DPH6: variants seen among roughly 807,000 people sequenced by gnomAD.
DPH6 encodes diphthine--ammonia ligase.
A neutral mutation model predicts 38.2 loss-of-function variants in DPH6; 33 were observed. The observed-to-expected ratio is 0.86, with a 90% CI of 0.65 to 1.15. The LOEUF (loss-of-function observed/expected upper bound fraction) is 1.15, where lower values mean the gene tolerates loss of function less well. DPH6 is among the 50% of genes most tolerant of loss of function. DPH6 has a pLI of 0.00. For missense variants in DPH6, 325 were observed against 320.0 expected, an observed-to-expected ratio of 1.02 and a Z score of -0.12; for synonymous variants, 108 against 103.0, an observed-to-expected ratio of 1.05 and a Z score of -0.30.
chr15:35,256,128 A>C (rs2051706640), intron 3 of DPH6, among the ~76,000 whole-genome samples: 1 of 152,166 alleles, frequency 6.6e-6, no homozygotes, highest in African/African-American at 2.4e-5. Context: ...TTAACATCTT[A>C]TATTACCATG....
chr15:35,152,142 C>A, the DPH6 span, among the ~76,000 whole-genome samples: 1 of 152,154 alleles, frequency 6.6e-6, no homozygotes, highest in Non-Finnish European at 1.5e-5. Flanking sequence ...CAGAAATATG[C>A]CTAGGAACTT....
chr15:35,355,506 G>C (rs1352201058), intron 3 of DPH6, among the ~76,000 whole-genome samples: 2 of 152,122 alleles, frequency 1.3e-5, no homozygotes, highest in African/African-American at 4.8e-5. Context: ...CTCAGCCTTT[G>C]CTTGTCTGTA....
At chr15:35,405,487 G>T (rs1201487435) in intron 6 of DPH6, among the ~76,000 whole-genome samples, 2 of 151,718 alleles carry the variant, frequency 1.3e-5, no homozygotes, top group East Asian at 3.9e-4. Context: ...TTACTTTTTT[G>T]ATTTCTTTTT....
intron 6 of DPH6, chr15:35,401,721 G>A (rs1296413115): frequency 6.9e-6 from 5 of 725,686 alleles, no homozygotes; most frequent in Non-Finnish European, 1.3e-5. Flanking sequence ...AGGTGGCTAT[G>A]GTGGTTCCAG....
chr15:35,308,659 TA>T (rs1320214744), intron 3 of DPH6, among the ~76,000 whole-genome samples: 2 of 152,228 alleles, frequency 1.3e-5, no homozygotes, highest in Non-Finnish European at 2.9e-5. Flanking sequence ...TTATATGCCA[TA>T]AACATTTAGG....
chr15:35,288,210 T>C (rs369241341), intron 3 of DPH6, among the ~76,000 whole-genome samples: 1 of 152,186 alleles, frequency 6.6e-6, no homozygotes, highest in East Asian at 1.9e-4. Flanking sequence ...CCTTCCCTAA[T>C]GTAGCTATAT....
chr15:35,415,020 G>A (rs1039549330), intron 5 of DPH6, among the ~76,000 whole-genome samples: 1 of 151,780 alleles, frequency 6.6e-6, no homozygotes, highest in African/African-American at 2.4e-5. Flanking sequence ...CCTGCTTCCT[G>A]GATCCCTACA....
chr15:35,538,115 T>C (rs1038596420), intron 3 of DPH6, 159 bp downstream of exon 3: 2 of 488,608 alleles, frequency 4.1e-6, no homozygotes, highest in African/African-American at 3.9e-5. Context: ...GGCATACTAA[T>C]CATTTGCAGT....
At chr15:35,318,456 C>T (rs2052211968) in intron 3 of DPH6, among the ~76,000 whole-genome samples, 1 of 152,062 alleles carries the variant, frequency 6.6e-6, no homozygotes. Flanking sequence ...TTTTAGTAAA[C>T]TTTACTTAAT....
intron 3 of DPH6, among the ~76,000 whole-genome samples, chr15:35,287,166 T>C (rs987576824): frequency 1.3e-5 from 2 of 152,200 alleles, no homozygotes; most frequent in African/African-American, 4.8e-5. Context: ...AAAATCTTTT[T>C]ATGAGTCAAG....
chr15:35,186,016 G>C, the DPH6 span, among the ~76,000 whole-genome samples: 1 of 152,084 alleles, frequency 6.6e-6, no homozygotes. Context: ...TTACAGGTGT[G>C]AGCCACTGCG....
At chr15:35,269,532 G>A (rs956098972) in intron 3 of DPH6, among the ~76,000 whole-genome samples, 4 of 151,680 alleles carry the variant, frequency 2.6e-5, no homozygotes, top group African/African-American at 7.3e-5. Context: ...TGCCTCCCGG[G>A]GTCACGCCAT....
intron 3 of DPH6, among the ~76,000 whole-genome samples, chr15:35,474,663 A>G (rs1189025898): frequency 6.6e-6 from 1 of 152,170 alleles, no homozygotes; most frequent in Non-Finnish European, 1.5e-5. Context: ...ACACTACGTA[A>G]ATGTAAAAAA....
chr15:35,380,420 A>C (rs750501787), intron 7 of DPH6, among the ~76,000 whole-genome samples: 1 of 152,222 alleles, frequency 6.6e-6, no homozygotes, highest in Admixed American at 6.5e-5. Flanking sequence ...GGTTATGTAG[A>C]GTAAAGCAGT....
intron 5 of DPH6, among the ~76,000 whole-genome samples, chr15:35,447,934 T>C (rs777892523): frequency 1.2e-4 from 19 of 152,318 alleles, no homozygotes; most frequent in Admixed American, 5.2e-4. Context: ...TCATAGTCAA[T>C]GTTACTACAC....
At chr15:35,184,215 C>T in the DPH6 span, among the ~76,000 whole-genome samples, 11 of 152,124 alleles carry the variant, frequency 7.2e-5, no homozygotes, top group Non-Finnish European at 1.5e-4. Flanking sequence ...TCTGTAGATT[C>T]AGTTTTGCGA....
intron 6 of DPH6, among the ~76,000 whole-genome samples, chr15:35,384,479 C>G (rs1246274826): frequency 6.6e-6 from 1 of 152,020 alleles, no homozygotes. Context: ...TGCTAATAGC[C>G]TTCAAAGTCA....
chr15:35,279,798 G>T (rs905352159), intron 3 of DPH6, among the ~76,000 whole-genome samples: 1 of 152,076 alleles, frequency 6.6e-6, no homozygotes, highest in African/African-American at 2.4e-5. Context: ...TCATAGTGTT[G>T]CAAGAACTAA....
chr15:35,538,751 AAGAGT>A (rs1194200196), intron 2 of DPH6, among the ~76,000 whole-genome samples: 3 of 152,128 alleles, frequency 2.0e-5, no homozygotes, highest in African/African-American at 7.2e-5. Context: ...ATTTAAAGAG[AAGAGT>A]AATGTATCCA....
Sources: gnomAD v4.1 joint callset for allele counts (sites outside exome capture counted in the v4.1 genomes callset) on GRCh38, gnomAD v4.1.1 for gene constraint, MANE v1.5 for transcripts, NCBI Gene and HGNC (gene_info 2026-07-23, HGNC 2026-07-21) for gene names.